LINGO2: variants seen among roughly 807,000 people sequenced by gnomAD.
LINGO2 encodes leucine rich repeat and Ig domain containing 2, also known as leucine-rich repeat and immunoglobulin-like domain-containing nogo receptor-interacting protein 2.
LINGO2 carries 14 observed loss-of-function variants against 30.6 expected under a neutral mutation model. That is an observed-to-expected ratio of 0.46 (90% CI 0.30 to 0.72). The LOEUF is 0.72. LINGO2 is among the 30% of genes least tolerant of loss of function. The pLI, the probability that LINGO2 is intolerant of heterozygous loss-of-function variation, is 0.07. For missense variants in LINGO2, 729 were observed against 751.7 expected, an observed-to-expected ratio of 0.97 and a Z score of 0.35; for synonymous variants, 317 against 288.5, an observed-to-expected ratio of 1.10 and a Z score of -1.00.
At chr9:28,941,246 C>T in the LINGO2 span, among the ~76,000 whole-genome samples, 2 of 152,144 alleles carry the variant, frequency 1.3e-5, no homozygotes, top group Admixed American at 1.3e-4. Context: ...AGGCCTGACA[C>T]TTCTCTTGAA....
chr9:28,866,135 T>TA, the LINGO2 span, among the ~76,000 whole-genome samples: 1 of 152,162 alleles, frequency 6.6e-6, no homozygotes, highest in Non-Finnish European at 1.5e-5. Context: ...CTCTCTATTT[T>TA]ATATAAGTAG....
At chr9:28,950,674 A>AATACAAGT in the LINGO2 span, among the ~76,000 whole-genome samples, 1 of 152,168 alleles carries the variant, frequency 6.6e-6, no homozygotes, top group Non-Finnish European at 1.5e-5. Context: ...AATGCCTAGG[A>AATACAAGT]ATACAAGTTA....
intron 1 of LINGO2, among the ~76,000 whole-genome samples, chr9:28,503,823 C>A (rs148055319): frequency 4.6e-4 from 69 of 149,718 alleles, no homozygotes; most frequent in Non-Finnish European, 1.0e-4. Context: ...GGGAACATTA[C>A]GAGACAGTAG....
chr9:28,430,178 G>C (rs955403227), intron 2 of LINGO2, among the ~76,000 whole-genome samples: 26 of 151,930 alleles, frequency 1.7e-4, no homozygotes, highest in Admixed American at 9.2e-4. Flanking sequence ...AATGATTGTT[G>C]ATTGATGACA....
the LINGO2 span, among the ~76,000 whole-genome samples, chr9:28,816,106 A>G: frequency 6.6e-6 from 1 of 152,156 alleles, no homozygotes; most frequent in African/African-American, 2.4e-5. Flanking sequence ...AGGAATCCGC[A>G]TCTACCATAA....
At chr9:28,971,160 G>A in the LINGO2 span, among the ~76,000 whole-genome samples, 1 of 152,118 alleles carries the variant, frequency 6.6e-6, no homozygotes, top group Non-Finnish European at 1.5e-5. Flanking sequence ...GCCTTAAAGG[G>A]AAAAAACCCA....
intron 2 of LINGO2, among the ~76,000 whole-genome samples, chr9:28,374,248 C>A (rs1388784516): frequency 1.4e-5 from 2 of 146,402 alleles, no homozygotes; most frequent in Non-Finnish European, 3.0e-5. Flanking sequence ...TCCAATTGTG[C>A]ATAGAAACAA....
At chr9:28,385,490 G>A (rs1821541291) in intron 2 of LINGO2, among the ~76,000 whole-genome samples, 1 of 152,090 alleles carries the variant, frequency 6.6e-6, no homozygotes, top group Non-Finnish European at 1.5e-5. Flanking sequence ...ATATAGAAAA[G>A]GCACGGATAC....
At chr9:28,848,748 C>T in the LINGO2 span, among the ~76,000 whole-genome samples, 2 of 151,610 alleles carry the variant, frequency 1.3e-5, no homozygotes, top group Non-Finnish European at 2.9e-5. Context: ...AAGAAATGGG[C>T]ATGTGGAAAA....
At chr9:28,855,189 A>G in the LINGO2 span, among the ~76,000 whole-genome samples, 1 of 151,934 alleles carries the variant, frequency 6.6e-6, no homozygotes, top group Non-Finnish European at 1.5e-5. Flanking sequence ...TGATTGCCCT[A>G]GTGCAGACTA....
chr9:28,441,102 T>C (rs915598000), intron 2 of LINGO2, among the ~76,000 whole-genome samples: 5 of 152,078 alleles, frequency 3.3e-5, no homozygotes, highest in Admixed American at 3.3e-4. Flanking sequence ...TCACAGTTTT[T>C]TTCTACCTTC....
chr9:28,558,916 T>A (rs866515293), intron 1 of LINGO2, among the ~76,000 whole-genome samples: 1 of 152,080 alleles, frequency 6.6e-6, no homozygotes, highest in Non-Finnish European at 1.5e-5. Context: ...TATTTGATGA[T>A]GATTTGAATA....
chr9:29,194,750 A>G, the LINGO2 span, among the ~76,000 whole-genome samples: 27 of 152,112 alleles, frequency 1.8e-4, no homozygotes, highest in Non-Finnish European at 3.4e-4. Context: ...AATATCTCCT[A>G]AGCAATTTTG....
the LINGO2 span, among the ~76,000 whole-genome samples, chr9:29,188,215 TGACTCTTAACGA>T: frequency 6.6e-6 from 1 of 151,854 alleles, no homozygotes; most frequent in East Asian, 1.9e-4. Context: ...GGAGTGGTGA[TGACTCTTAACGA>T]GCATGCTGCC....
chr9:28,255,000 C>T (rs1822334888), intron 4 of LINGO2, among the ~76,000 whole-genome samples: 1 of 152,018 alleles, frequency 6.6e-6, no homozygotes, highest in Admixed American at 6.6e-5. Context: ...AAATCTAATA[C>T]ATAAATCCAT....
At chr9:27,946,535 C>T (rs1823370669), downstream of LINGO2, among the ~76,000 whole-genome samples, 1 of 152,080 alleles carries the variant, frequency 6.6e-6, no homozygotes, top group South Asian at 2.1e-4. Flanking sequence ...TTATTAATTG[C>T]TCAATGTTTC....
chr9:28,274,202 C>T (rs146934594), intron 4 of LINGO2, among the ~76,000 whole-genome samples: 1 of 152,210 alleles, frequency 6.6e-6, no homozygotes, highest in East Asian at 1.9e-4. Context: ...AATAATGTTT[C>T]CTGGTGACAA....
At chr9:28,167,379 A>G (rs1475737380) in intron 4 of LINGO2, among the ~76,000 whole-genome samples, 2 of 151,766 alleles carry the variant, frequency 1.3e-5, no homozygotes, top group East Asian at 3.9e-4. Context: ...GTTGTCTAAT[A>G]TTTTTGTTTG....
intron 4 of LINGO2, among the ~76,000 whole-genome samples, chr9:28,248,753 T>G (rs1054404437): frequency 7.2e-5 from 11 of 152,176 alleles, no homozygotes; most frequent in Admixed American, 2.6e-4. Flanking sequence ...CTACTATGTA[T>G]CCAGAAAAAA....
Sources: allele counts gnomAD v4.1 joint callset (sites outside exome capture counted in the v4.1 genomes callset), GRCh38; gene constraint gnomAD v4.1.1; transcripts MANE v1.5; gene names NCBI Gene and HGNC (gene_info 2026-07-23, HGNC 2026-07-21).